CES5A: variants seen among roughly 807,000 people sequenced by gnomAD.
CES5A encodes the protein carboxylesterase 5A.
CES5A carries 67 observed loss-of-function variants against 62.9 expected under a neutral mutation model. The observed-to-expected ratio is 1.07, with a 90% CI of 0.88 to 1.31. The LOEUF is 1.31. CES5A is among the 50% of genes most tolerant of loss of function. CES5A has a pLI of 0.00. For missense variants in CES5A, 748 were observed against 708.5 expected, an observed-to-expected ratio of 1.06 and a Z score of -0.63; for synonymous variants, 296 against 280.8, an observed-to-expected ratio of 1.05 and a Z score of -0.54.
chr16:55,946,086 T>C (rs1486418762), intron 2 of CES5A, among the ~76,000 whole-genome samples: 2 of 152,196 alleles, frequency 1.3e-5, no homozygotes, highest in African/African-American at 2.4e-5. Flanking sequence ...AATAGAAACA[T>C]GATTGCAGTA....
intron 11 of CES5A, among the ~76,000 whole-genome samples, chr16:55,849,291 A>G (rs1272813959): frequency 6.6e-6 from 1 of 152,002 alleles, no homozygotes; most frequent in Non-Finnish European, 1.5e-5. Context: ...GATTTCTGGG[A>G]AGGGGAGGGA....
intron 1 of CES5A, among the ~76,000 whole-genome samples, chr16:55,894,134 T>G (rs2033907618): frequency 6.6e-6 from 1 of 152,122 alleles, no homozygotes; most frequent in Admixed American, 6.5e-5. Context: ...TAGAAAATAT[T>G]ATTCAAAAAT....
chr16:55,939,510 T>C (rs1251413094), intron 2 of CES5A, among the ~76,000 whole-genome samples: 1 of 152,164 alleles, frequency 6.6e-6, no homozygotes, highest in Non-Finnish European at 1.5e-5. Context: ...CCTCTGTTAT[T>C]CTAGGACCAG....
intron 9 of CES5A, 76 bp from the exon 10 acceptor site, chr16:55,853,104 T>C (rs2033165828): frequency 2.0e-6 from 3 of 1,481,312 alleles, no homozygotes; most frequent in Non-Finnish European, 2.8e-6. Context: ...CCTGTGCAGG[T>C]ATGATTCTGA....
upstream of CES5A, among the ~76,000 whole-genome samples, chr16:55,927,270 T>G (rs2034266764): frequency 6.6e-6 from 1 of 152,136 alleles, no homozygotes; most frequent in Non-Finnish European, 1.5e-5. Flanking sequence ...AAATGGAGCT[T>G]AATTAAATGA....
At chr16:55,869,483 G>A in intron 4 of CES5A, 128 bp downstream of exon 4, 3 of 1,353,086 alleles carry the variant, frequency 2.2e-6, no homozygotes, top group South Asian at 2.2e-5. Context: ...AATTACCTAA[G>A]TAATTAGGGC....
intron 4 of CES5A, among the ~76,000 whole-genome samples, chr16:55,869,073 G>A (rs1386372867): frequency 6.6e-5 from 10 of 152,202 alleles, no homozygotes; most frequent in Non-Finnish European, 1.0e-4. Context: ...TGAGGCTCAG[G>A]TAGACACCAC....
upstream of CES5A, among the ~76,000 whole-genome samples, chr16:55,928,840 C>T (rs1464542545): frequency 2.0e-5 from 3 of 152,196 alleles, no homozygotes; most frequent in Non-Finnish European, 4.4e-5. Flanking sequence ...TGCTGTCCCA[C>T]ATGCTCCTGA....
intron 1 of CES5A, among the ~76,000 whole-genome samples, chr16:55,922,926 T>A (rs190655655): frequency 7.9e-5 from 12 of 151,812 alleles, no homozygotes; most frequent in Admixed American, 2.0e-4. Context: ...TTAAACAACA[T>A]GCTCCTGAAT....
At chr16:55,860,993 ACC>A (rs1330970263) in intron 7 of CES5A, among the ~76,000 whole-genome samples, 1 of 152,192 alleles carries the variant, frequency 6.6e-6, no homozygotes, top group Non-Finnish European at 1.5e-5. Flanking sequence ...GCATCTCACT[ACC>A]TTCTAAAGGA....
Position 55,913,837 on chromosome 16 carries a change from C to T in CES5A, c.-256+11486G>A, listed in dbSNP as rs2034119268. Among the ~76,000 whole-genome samples the T allele has an allele frequency of 2.0e-5, 3 of 152,314 alleles. No individual in the cohort carries two copies. In the South Asian group the frequency reaches 6.2e-4, roughly 32 times the overall value. On this transcript the variant is annotated intron_variant, in intron 1 of 12. Coordinates refer to the CES5A transcript ENST00000518005. ...TATTTAACAAATATTTATTAAGCAT[C>T]TACTGCCATATGGTGCCAGGCCTTG...
intron 1 of CES5A, among the ~76,000 whole-genome samples, chr16:55,913,268 A>G (rs1307668809): frequency 6.6e-6 from 1 of 151,662 alleles, no homozygotes; most frequent in African/African-American, 2.4e-5. Flanking sequence ...CCTGGGTGCA[A>G]TGGCAGAACT....
intron 4 of CES5A, among the ~76,000 whole-genome samples, chr16:55,868,758 C>T (rs548272650): frequency 1.1e-4 from 16 of 152,310 alleles, no homozygotes; most frequent in African/African-American, 3.6e-4. Flanking sequence ...GGACCCTCAT[C>T]AGGACTTCTC....
intron 1 of CES5A, among the ~76,000 whole-genome samples, chr16:55,907,107 A>C (rs2034046966): frequency 1.3e-5 from 2 of 152,226 alleles, no homozygotes; most frequent in Non-Finnish European, 2.9e-5. Flanking sequence ...GACGATGATA[A>C]GATACTAATG....
chr16:55,880,835 A>G (rs556258245), intron 1 of CES5A, among the ~76,000 whole-genome samples: 11 of 152,340 alleles, frequency 7.2e-5, no homozygotes, highest in Admixed American at 1.3e-4. Context: ...TACAGAGTAC[A>G]CTGTGAAAAT....
intron 1 of CES5A, among the ~76,000 whole-genome samples, chr16:55,890,956 T>C (rs1383648019): frequency 2.0e-5 from 3 of 152,146 alleles, no homozygotes; most frequent in African/African-American, 7.2e-5. Flanking sequence ...AACTTCCTCC[T>C]AAAGCAACCT....
At chr16:55,909,263 G>A (rs2034068930) in intron 1 of CES5A, among the ~76,000 whole-genome samples, 1 of 152,156 alleles carries the variant, frequency 6.6e-6, no homozygotes, top group African/African-American at 2.4e-5. Context: ...CATTGTTGAG[G>A]AAATGGAGGG....
At chr16:55,873,385 T>A (rs1180840028) in intron 2 of CES5A, among the ~76,000 whole-genome samples, 1 of 152,118 alleles carries the variant, frequency 6.6e-6, no homozygotes, top group Non-Finnish European at 1.5e-5. Flanking sequence ...ACCCTTCTAG[T>A]GTGGTTCTTC....
At chr16:55,949,885 C>G (rs1027021513) in exon 2 of CES5A, 1 of 1,497,254 alleles carries the variant, frequency 6.7e-7, no homozygotes, top group African/African-American at 1.4e-5. Context: ...TCCACATTCC[C>G]CTTCTTATCC....
Sources: allele counts gnomAD v4.1 joint callset (sites outside exome capture counted in the v4.1 genomes callset), GRCh38; gene constraint gnomAD v4.1.1; transcripts MANE v1.5; gene names NCBI Gene and HGNC (gene_info 2026-07-23, HGNC 2026-07-21).